TTC7B: variants seen among roughly 807,000 people sequenced by gnomAD.
The protein encoded by TTC7B is tetratricopeptide repeat domain 7B.
In TTC7B, 28 loss-of-function variants were observed where a neutral mutation model predicts 106.8. The ratio of observed to expected loss-of-function variants is 0.26; its 90% CI spans 0.19 to 0.36. The LOEUF is 0.36. TTC7B is among the 10% of genes least tolerant of loss of function. TTC7B has a pLI of 1.00. For missense variants in TTC7B, 862 were observed against 1,076.4 expected (o/e 0.80, Z 2.79); for synonymous variants, 405 against 430.6 (o/e 0.94, Z 0.74).
chr14:90,621,309 C>T (rs979819263), intron 15 of TTC7B, among the ~76,000 whole-genome samples: 11 of 126,572 alleles, frequency 8.7e-5, no homozygotes, highest in Admixed American at 2.5e-4. Flanking sequence ...AGAGGCCACG[C>T]GGGTACAGCC....
intron 5 of TTC7B, among the ~76,000 whole-genome samples, chr14:90,725,059 T>C (rs1217341983): frequency 6.6e-6 from 1 of 152,192 alleles, no homozygotes; most frequent in Admixed American, 6.5e-5. Flanking sequence ...GAGGGTTGCA[T>C]ACAAAAAAGT....
chr14:90,637,821 A>C (rs1595231713), intron 15 of TTC7B, among the ~76,000 whole-genome samples: 1 of 152,238 alleles, frequency 6.6e-6, no homozygotes, highest in African/African-American at 2.4e-5. Context: ...ATCATTAACA[A>C]AACAACTCTT....
chr14:90,668,605 T>C (rs1886505558), intron 9 of TTC7B, among the ~76,000 whole-genome samples: 1 of 152,196 alleles, frequency 6.6e-6, no homozygotes, highest in Non-Finnish European at 1.5e-5. Context: ...TCTTTAATCA[T>C]CACAATAACA....
At chr14:90,636,954 C>A in intron 15 of TTC7B, among the ~76,000 whole-genome samples, 1 of 147,312 alleles carries the variant, frequency 6.8e-6, no homozygotes, top group Non-Finnish European at 1.5e-5. Context: ...AATGAACACC[C>A]AACTAAGAGA....
intron 1 of TTC7B, among the ~76,000 whole-genome samples, chr14:90,794,933 C>A (rs777080692): frequency 1.3e-5 from 2 of 152,056 alleles, no homozygotes; most frequent in African/African-American, 2.4e-5. Flanking sequence ...ACTCCATGAG[C>A]ACTGCCTGCC....
intron 15 of TTC7B, chr14:90,642,537 C>G (rs993087657): frequency 6.6e-6 from 1 of 152,220 alleles, no homozygotes; most frequent in Non-Finnish European, 1.5e-5. Context: ...CATTACTGAC[C>G]CTGCAACTCT....
At chr14:90,628,383 G>A (rs558755745) in intron 15 of TTC7B, among the ~76,000 whole-genome samples, 16 of 152,126 alleles carry the variant, frequency 1.1e-4, no homozygotes, top group Non-Finnish European at 1.2e-4. Context: ...AGGATCTCTC[G>A]GTCTTTATTT....
intron 17 of TTC7B, chr14:90,603,316 G>C: frequency 7.8e-7 from 1 of 1,283,332 alleles, no homozygotes; most frequent in Non-Finnish European, 1.0e-6. Context: ...TGGAACAACA[G>C]ATCAAACCAA....
At chr14:90,591,186 C>A (rs1891943622) in intron 18 of TTC7B, among the ~76,000 whole-genome samples, 1 of 152,044 alleles carries the variant, frequency 6.6e-6, no homozygotes, top group Non-Finnish European at 1.5e-5. Context: ...TCTAAAAATA[C>A]AAAAATCAGT....
At chr14:90,584,760 G>A (rs1891646449) in intron 18 of TTC7B, among the ~76,000 whole-genome samples, 1 of 152,008 alleles carries the variant, frequency 6.6e-6, no homozygotes, top group African/African-American at 2.4e-5. Flanking sequence ...TCCAAACCAT[G>A]TCCTTTACCC....
chr14:90,571,769 G>A (rs1891044655), intron 19 of TTC7B, among the ~76,000 whole-genome samples: 1 of 152,196 alleles, frequency 6.6e-6, no homozygotes, highest in Admixed American at 6.5e-5. Flanking sequence ...TTATCCAGAG[G>A]AACAGAAGGG....
chr14:90,799,436 C>CTTTTCT lies in TTC7B; in HGVS notation c.122-13109_122-13108insAGAAAA, dbSNP rs1444333994. Among the ~76,000 whole-genome samples, 11 of 152,304 alleles carry CTTTTCT rather than the reference C, an allele frequency of 7.2e-5. No individual in the cohort carries two copies. The South Asian group carries it at 2.3e-3, about 32-fold the overall frequency. ...TAGACAGGGAAGACAAAGAGATAAA[C>CTTTTCT]CAGAAAAGGGCCAGACAGTGGTAAG... On this transcript the variant is annotated intron_variant, in intron 1 of 19. Transcript: ENST00000328459.
At chr14:90,643,947 G>A (rs1885308082) in intron 15 of TTC7B, 101 bp downstream of exon 15, 1 of 1,356,170 alleles carries the variant, frequency 7.4e-7, no homozygotes, top group African/African-American at 1.5e-5. Context: ...TTGACTGCCA[G>A]GGTGTCCATG....
At chr14:90,752,995 CTT>C (rs988939479) in intron 3 of TTC7B, among the ~76,000 whole-genome samples, 1 of 152,242 alleles carries the variant, frequency 6.6e-6, no homozygotes, top group African/African-American at 2.4e-5. Flanking sequence ...GCCTCCTATT[CTT>C]TGTCTGTGTC....
chr14:90,782,873 T>C (rs1244334620), intron 2 of TTC7B, among the ~76,000 whole-genome samples: 1 of 151,916 alleles, frequency 6.6e-6, no homozygotes, highest in Non-Finnish European at 1.5e-5. Flanking sequence ...GTAATATACT[T>C]AACGCCACTA....
chr14:90,527,180 G>A lies in TTC7B; in HGVS notation c.*14188C>T, dbSNP rs1356018763. On this transcript the variant is annotated 3_prime_UTR_variant, in exon 20 of 20. Coordinates refer to ENST00000328459, the MANE Select transcript of TTC7B (RefSeq NM_001010854.2). ...CACCCCATCATATCTGGGGGTACCT[G>A]GTATTCACACGACTCATCACTGGGA... The A allele has an allele frequency of 6.6e-6, 1 of 151,866 alleles. No homozygotes were observed. The allele number at this position is 151,866 out of a possible 1,614,324, so 9.4% of individuals were successfully genotyped here.
At chr14:90,765,588 C>T (rs1890648683) in intron 3 of TTC7B, among the ~76,000 whole-genome samples, 1 of 152,208 alleles carries the variant, frequency 6.6e-6, no homozygotes, top group African/African-American at 2.4e-5. Context: ...CTGGCACAAT[C>T]TGTTCAATAT....
intron 8 of TTC7B, among the ~76,000 whole-genome samples, chr14:90,680,034 T>C (rs1187861238): frequency 6.6e-5 from 10 of 152,250 alleles, no homozygotes; most frequent in Admixed American, 6.5e-4. Flanking sequence ...CAGAGCTTTA[T>C]AGATCCAACA....
At chr14:90,713,048 G>T (rs984805251) in intron 5 of TTC7B, among the ~76,000 whole-genome samples, 1 of 152,156 alleles carries the variant, frequency 6.6e-6, no homozygotes, top group Non-Finnish European at 1.5e-5. Context: ...ACAACTAAAT[G>T]AGAAGACAAC....
Sources: allele counts gnomAD v4.1 joint callset (sites outside exome capture counted in the v4.1 genomes callset), GRCh38; gene constraint gnomAD v4.1.1; transcripts MANE v1.5; gene names NCBI Gene and HGNC (gene_info 2026-07-23, HGNC 2026-07-21).